Variants in RBFOX1 observed in about 807,000 individuals in gnomAD.
RBFOX1 encodes the protein RNA binding protein fox-1 homolog 1.
Under a neutral mutation model 57.7 loss-of-function variants are expected in RBFOX1, and 8 were observed. That is an observed-to-expected ratio of 0.14 (90% CI 0.08 to 0.25). The LOEUF is 0.25. Among genes scored for constraint, RBFOX1 ranks in the 10% least tolerant of loss-of-function variants. The probability of loss-of-function intolerance (pLI) is 1.00; values close to 1 mark genes in which losing one functional copy is unlikely to be tolerated. For synonymous variants in RBFOX1, 326 were observed against 222.4 expected (o/e 1.47, Z -4.15); for missense variants, 611 against 548.5 (o/e 1.11, Z -1.14).
At position 6,428,940 on chromosome 16, in the gene RBFOX1, C is replaced by T. The variant is rs148188520; in HGVS notation, c.-64+111883C>T. Among the ~76,000 whole-genome samples the T allele has an allele frequency of 9.1e-3, 1,386 of 152,220 alleles. 11 individuals carry two copies. The highest frequency in any genetic ancestry group is 0.014 in the Admixed American group (214 of 15,286). On this transcript the variant is annotated intron_variant, in intron 2 of 15. Coordinates refer to ENST00000550418, the MANE Select transcript of RBFOX1 (RefSeq NM_018723.4). Reference sequence around the variant, plus strand: ...AGTAAAGCGTATTCTTAGATCACAGCGCATTTGAGATGTGGTTGGGTTTAT... The same window carrying T: ...AGTAAAGCGTATTCTTAGATCACAGTGCATTTGAGATGTGGTTGGGTTTAT...
At chr16:7,609,677 C>G (rs1280842977) in intron 10 of RBFOX1, among the ~76,000 whole-genome samples, 1 of 152,098 alleles carries the variant, frequency 6.6e-6, no homozygotes, top group Non-Finnish European at 1.5e-5. Flanking sequence ...AATGAGGATA[C>G]CAAAATGCAA....
At chr16:5,642,038 C>A (rs1053885565) in intron 3 of RBFOX1, among the ~76,000 whole-genome samples, 1 of 152,156 alleles carries the variant, frequency 6.6e-6, no homozygotes, top group African/African-American at 2.4e-5. Context: ...CTGGACCACA[C>A]TTTGAGGAGC....
At chr16:7,050,560 C>A (rs185794987) in intron 3 of RBFOX1, among the ~76,000 whole-genome samples, 4 of 152,288 alleles carry the variant, frequency 2.6e-5, no homozygotes, top group Middle Eastern at 3.4e-3. Flanking sequence ...GCAACCGTGC[C>A]TGGCCTTCCT....
intron 3 of RBFOX1, among the ~76,000 whole-genome samples, chr16:6,752,835 G>T (rs2075173733): frequency 6.6e-6 from 1 of 151,078 alleles, no homozygotes; most frequent in South Asian, 2.1e-4. Context: ...TTTTTTAGCA[G>T]GGTTCTGTGT....
intron 3 of RBFOX1, among the ~76,000 whole-genome samples, chr16:6,803,675 A>G (rs567689427): frequency 2.0e-5 from 3 of 152,308 alleles, no homozygotes; most frequent in African/African-American, 7.2e-5. Context: ...TCCCTGAACA[A>G]ATATGCAGAT....
At chr16:5,391,339 GA>G (rs35659403) in intron 1 of RBFOX1, among the ~76,000 whole-genome samples, 62,938 of 151,792 alleles carry the variant, frequency 0.41, 13,360 homozygotes, top group African/African-American at 0.46. Context: ...GGCTTTAGGG[GA>G]GAATCCATTT....
At chr16:6,766,409 C>T (rs2077336742) in intron 3 of RBFOX1, among the ~76,000 whole-genome samples, 2 of 151,910 alleles carry the variant, frequency 1.3e-5, no homozygotes, top group African/African-American at 4.8e-5. Flanking sequence ...TCCCTGTAGC[C>T]TGGGAGGCCT....
At chr16:5,374,487 G>A (rs2065937921) in intron 1 of RBFOX1, among the ~76,000 whole-genome samples, 1 of 152,144 alleles carries the variant, frequency 6.6e-6, no homozygotes, top group Non-Finnish European at 1.5e-5. Flanking sequence ...AGAAAAGGAT[G>A]GAGTGTATAT....
At chr16:7,576,402 T>C (rs1332652722) in intron 5 of RBFOX1, among the ~76,000 whole-genome samples, 1 of 152,226 alleles carries the variant, frequency 6.6e-6, no homozygotes, top group Non-Finnish European at 1.5e-5. Flanking sequence ...CTTTTTCTGT[T>C]GTTTTATTCA....
chr16:5,885,074 C>T (rs141698500), intron 4 of RBFOX1, among the ~76,000 whole-genome samples: 2 of 152,118 alleles, frequency 1.3e-5, no homozygotes, highest in Non-Finnish European at 2.9e-5. Flanking sequence ...CTTCGGGTCT[C>T]TTGTAGATGA....
Position 5,882,499 on chromosome 16 carries a change from A to G in RBFOX1, c.351+15164A>G, listed in dbSNP as rs1241613928. Among the ~76,000 whole-genome samples the G allele has an allele frequency of 3.3e-5, 5 of 152,310 alleles. No homozygotes were observed. In the East Asian group the frequency reaches 7.7e-4, roughly 24 times the overall value. ...GAAATGTAGTCCAGCTGTGAACCCA[A>G]GGGGAAGAAACAAATTTTGATGAAC... On this transcript the variant is annotated intron_variant, in intron 4 of 19. Coordinates refer to the RBFOX1 transcript ENST00000641259.
At position 5,624,530 on chromosome 16, in the gene RBFOX1, G is replaced by C. The variant is rs200170137; in HGVS notation, c.318+25569G>C. On this transcript the variant is annotated intron_variant, in intron 3 of 19. Coordinates refer to the RBFOX1 transcript ENST00000641259. ...ACTTTTAAAGCTCGTACCCAGGTGG[G>C]GAAAAGCTCCTGAGAACCCCCTGAG... Among the ~76,000 whole-genome samples the C allele has an allele frequency of 2.3e-4, 35 of 152,326 alleles. No homozygotes were observed. The East Asian group carries it at 3.3e-3, about 14-fold the overall frequency.
intron 4 of RBFOX1, among the ~76,000 whole-genome samples, chr16:7,314,305 A>C (rs2096388931): frequency 6.6e-6 from 1 of 152,112 alleles, no homozygotes; most frequent in South Asian, 2.1e-4. Context: ...GCTTTTGTTC[A>C]CTTGCGGGGC....
chr16:5,478,056 G>A (rs1018498851), intron 2 of RBFOX1, among the ~76,000 whole-genome samples: 4 of 152,098 alleles, frequency 2.6e-5, no homozygotes, highest in African/African-American at 9.7e-5. Context: ...ACACACCATG[G>A]AGCTGAAATT....
intron 3 of RBFOX1, among the ~76,000 whole-genome samples, chr16:6,829,555 A>T (rs985346405): frequency 3.9e-5 from 6 of 152,078 alleles, no homozygotes; most frequent in African/African-American, 1.4e-4. Context: ...TAGTTAAACA[A>T]AAACAGGTAT....
At chr16:5,884,101 G>C (rs2057835739) in intron 4 of RBFOX1, among the ~76,000 whole-genome samples, 1 of 152,182 alleles carries the variant, frequency 6.6e-6, no homozygotes, top group Non-Finnish European at 1.5e-5. Context: ...ATATTATCAA[G>C]GTGAGGATTA....
At chr16:7,350,036 C>T (rs1259659839) in intron 4 of RBFOX1, among the ~76,000 whole-genome samples, 2 of 152,006 alleles carry the variant, frequency 1.3e-5, no homozygotes, top group Admixed American at 6.6e-5. Flanking sequence ...AGTTTCAGTT[C>T]CTTGGGTGGC....
intron 1 of RBFOX1, among the ~76,000 whole-genome samples, chr16:5,463,567 AG>A (rs527749859): frequency 2.8e-4 from 42 of 152,282 alleles, no homozygotes; most frequent in African/African-American, 1.0e-3. Context: ...TGGGAGGCCG[AG>A]GCAGGCGGAT....
chr16:6,937,755 A>C (rs974357367), intron 3 of RBFOX1, among the ~76,000 whole-genome samples: 1 of 152,016 alleles, frequency 6.6e-6, no homozygotes, highest in Non-Finnish European at 1.5e-5. Flanking sequence ...GTGGAGACCA[A>C]AGTTTTATCG....
Sources: gnomAD v4.1 joint callset for allele counts (sites outside exome capture counted in the v4.1 genomes callset) on GRCh38, gnomAD v4.1.1 for gene constraint, MANE v1.5 for transcripts, NCBI Gene and HGNC (gene_info 2026-07-23, HGNC 2026-07-21) for gene names.